The following TENM3 variants were observed in gnomAD, a reference collection of about 807,000 sequenced individuals.
The protein encoded by TENM3 is teneurin transmembrane protein 3, also known as teneurin-3.
In TENM3, 63 loss-of-function variants were observed where a neutral mutation model predicts 255.1. The ratio of observed to expected loss-of-function variants is 0.25; its 90% CI spans 0.20 to 0.30. TENM3 has a LOEUF of 0.30. Among genes scored for constraint, TENM3 ranks in the 10% least tolerant of loss-of-function variants. The pLI is 1.00. For missense variants in TENM3, 2,929 were observed against 3,461.1 expected (o/e 0.85, Z 3.86); for synonymous variants, 1,306 against 1,322.3 (o/e 0.99, Z 0.27).
chr4:181,957,711 G>T, the TENM3 span, among the ~76,000 whole-genome samples: 1 of 152,284 alleles, frequency 6.6e-6, no homozygotes, highest in South Asian at 2.1e-4. Context: ...ACACTAGTTT[G>T]CTAACATCTG....
the TENM3 span, among the ~76,000 whole-genome samples, chr4:181,669,861 G>A: frequency 2.0e-5 from 3 of 152,112 alleles, no homozygotes; most frequent in African/African-American, 4.8e-5. Context: ...GGAGAACTTC[G>A]GTGTGTATCA....
At chr4:182,477,429 T>C (rs1010148178) in intron 3 of TENM3, among the ~76,000 whole-genome samples, 6 of 152,200 alleles carry the variant, frequency 3.9e-5, no homozygotes, top group African/African-American at 1.2e-4. Flanking sequence ...GTTTACACCA[T>C]GTGAAAGCAA....
At chr4:182,794,064 G>A (rs1371861023) in intron 26 of TENM3, among the ~76,000 whole-genome samples, 179 bp downstream of exon 26, 2 of 152,156 alleles carry the variant, frequency 1.3e-5, no homozygotes, top group Non-Finnish European at 2.9e-5. Flanking sequence ...AAGGGAAAAT[G>A]AGACATATTT....
chr4:182,799,631 G>A lies in TENM3; in HGVS notation c.7380G>A (p.Gln2460=), dbSNP rs1766758675. Residue 2460 remains glutamine (Q), a synonymous_variant, in exon 28 of 28, where the codon CAG becomes CAA. Transcript: ENST00000511685. This position sits in a 1 kb window ranked among gnomAD's most constrained non-coding sequence, Gnocchi z 4.2. ...GAGTCCAGCAGCAAGTGGCGCGGCA[G>A]GCCAAGGCCTTCCTGTCGCTGGGGA... ...IFGVQQQVAR[Q]AKAFLSLGKM... is the part of the protein sequence containing the mutation. The A allele has an allele frequency of 6.5e-7, 1 of 1,545,386 alleles. No individual in the cohort carries two copies. Among genetic ancestry groups the A allele is most frequent in the South Asian group, 1.2e-5 (1 of 84,058 alleles).
chr4:182,754,605 G>T lies in TENM3; in HGVS notation c.4238G>T (p.Ser1413Ile). 1 of 1,614,022 alleles carries T rather than the reference G, an allele frequency of 6.2e-7. No homozygotes were observed. Among genetic ancestry groups the T allele is most frequent in the East Asian group, 2.2e-5 (1 of 44,882 alleles). The change falls in exon 22 of 28, where the codon AGT becomes ATT. Residue 1413 changes from serine to isoleucine, a missense_variant. Ser to Ile is a moderately radical substitution (Grantham distance 142, BLOSUM62 -2). This residue lies in a region of TENM3 where 1,608 missense variants were observed against 1,884.4 expected (regional missense o/e 0.85). Coordinates refer to ENST00000511685, the MANE Select transcript of TENM3 (RefSeq NM_001080477.4). This position sits in a 1 kb window ranked among gnomAD's most constrained non-coding sequence, Gnocchi z 5.1. ...GCCACTGCCATTGCTGTGTCCTACA[G>T]TGGGGTCCTGTACATTACTGAAACT... The part of the protein sequence containing the change: ...ESATAIAVSY[S>I]GVLYITETDE...
chr4:181,560,355 T>C, the TENM3 span, among the ~76,000 whole-genome samples: 1 of 152,234 alleles, frequency 6.6e-6, no homozygotes, highest in African/African-American at 2.4e-5. Flanking sequence ...TTTCAACATA[T>C]GAGTTAGGGG....
chr4:181,448,240 C>T, the TENM3 span, among the ~76,000 whole-genome samples: 42 of 136,846 alleles, frequency 3.1e-4, no homozygotes, highest in Non-Finnish European at 4.9e-4. Flanking sequence ...GATCTCGGCT[C>T]ACTGCAAGCT....
chr4:181,753,778 GT>G, the TENM3 span, among the ~76,000 whole-genome samples: 4 of 152,166 alleles, frequency 2.6e-5, no homozygotes, highest in African/African-American at 9.7e-5. Context: ...TAGTTTTGTT[GT>G]TTTTTACTTT....
At chr4:182,076,384 A>G in the TENM3 span, among the ~76,000 whole-genome samples, 1 of 151,942 alleles carries the variant, frequency 6.6e-6, no homozygotes, top group Non-Finnish European at 1.5e-5. Flanking sequence ...TTGTATTTTT[A>G]GTAGAGACGG....
chr4:182,650,921 TATAA>T (rs1407209178), intron 5 of TENM3, among the ~76,000 whole-genome samples: 3,462 of 11,218 alleles, frequency 0.31, 118 homozygotes, highest in African/African-American at 0.4. Flanking sequence ...TATATATATA[TATAA>T]AACAAAGCTG....
chr4:181,496,226 A>G, the TENM3 span, among the ~76,000 whole-genome samples: 1 of 152,236 alleles, frequency 6.6e-6, no homozygotes, highest in Non-Finnish European at 1.5e-5. Flanking sequence ...GAAAAAGACT[A>G]GTTTGGCAAA....
the TENM3 span, among the ~76,000 whole-genome samples, chr4:181,673,178 G>A: frequency 2.6e-5 from 4 of 152,250 alleles, 1 homozygote; most frequent in Admixed American, 1.3e-4. Flanking sequence ...TGTTTTATGC[G>A]TATACCTATT....
intron 3 of TENM3, among the ~76,000 whole-genome samples, chr4:182,389,928 G>C (rs1335244156): frequency 6.6e-6 from 1 of 152,028 alleles, no homozygotes; most frequent in South Asian, 2.1e-4. Flanking sequence ...CTCGTGATCC[G>C]CCCGCCTCAG....
the TENM3 span, among the ~76,000 whole-genome samples, chr4:181,675,487 A>G: frequency 6.6e-6 from 1 of 152,166 alleles, no homozygotes; most frequent in Non-Finnish European, 1.5e-5. Context: ...TTAATTAGAT[A>G]TAAGGCAAAA....
the TENM3 span, among the ~76,000 whole-genome samples, chr4:181,704,917 T>C: frequency 6.6e-6 from 1 of 151,826 alleles, no homozygotes; most frequent in Non-Finnish European, 1.5e-5. Context: ...TAATCCTGGC[T>C]ATTCGGGAGG....
At chr4:181,789,871 C>A in the TENM3 span, among the ~76,000 whole-genome samples, 2 of 152,140 alleles carry the variant, frequency 1.3e-5, no homozygotes, top group Non-Finnish European at 2.9e-5. Flanking sequence ...ATGTCCTATG[C>A]CCTACACATC....
intron 3 of TENM3, chr4:182,548,524 C>CG (rs986592410): frequency 6.6e-6 from 1 of 152,130 alleles, no homozygotes; most frequent in Non-Finnish European, 1.5e-5. Flanking sequence ...ACCCCAAGGC[C>CG]GGGTGAGCCT....
chr4:181,876,625 G>A, the TENM3 span, among the ~76,000 whole-genome samples: 1 of 152,132 alleles, frequency 6.6e-6, no homozygotes, highest in Non-Finnish European at 1.5e-5. Flanking sequence ...AATTTAAAAT[G>A]TGTAGAAAAA....
chr4:182,160,863 T>A (rs374982147), intron 1 of TENM3, among the ~76,000 whole-genome samples: 8 of 152,162 alleles, frequency 5.3e-5, no homozygotes, highest in African/African-American at 1.9e-4. Context: ...ATATTTGAAG[T>A]GAGGGAAATG....
Sources: allele counts gnomAD v4.1 joint callset (sites outside exome capture counted in the v4.1 genomes callset), GRCh38; gene constraint gnomAD v4.1.1; regional missense constraint gnomAD v4.1.1; non-coding constraint Gnocchi (gnomAD v3.1); transcripts MANE v1.5; gene names NCBI Gene and HGNC (gene_info 2026-07-23, HGNC 2026-07-21).